Variants in TBC1D2B observed in about 807,000 individuals in gnomAD.
TBC1D2B encodes the protein TBC1 domain family, member 2B.
A neutral mutation model predicts 100.8 loss-of-function variants in TBC1D2B; 64 were observed. The observed-to-expected ratio is 0.64, with a 90% CI of 0.52 to 0.78. TBC1D2B has a LOEUF of 0.78. Among genes scored for constraint, TBC1D2B ranks in the 30% least tolerant of loss-of-function variants. TBC1D2B has a pLI of 0.00. For missense variants in TBC1D2B, 1,052 were observed against 1,218.4 expected, an observed-to-expected ratio of 0.86 and a Z score of 2.03; for synonymous variants, 480 against 479.7, an observed-to-expected ratio of 1.00 and a Z score of -0.01.
chr15:77,998,127 G>C lies in TBC1D2B; in HGVS notation c.*33C>G. 6.8e-7 allele frequency: 1 copy of C among 1,480,410 alleles called. No individual in the cohort carries two copies. The highest frequency in any genetic ancestry group is 9.0e-7 in the Non-Finnish European group (1 of 1,109,900). 91.7% of individuals were successfully genotyped at this position (1,480,410 alleles called of 1,614,324 possible). ...TTCACCCTTTGGGCACACTTTGGTT[G>C]TGAAGGAAGGAAGAGCAGCATCCCG... On this transcript the variant is annotated 3_prime_UTR_variant, in exon 13 of 13. Coordinates refer to ENST00000300584, the MANE Select transcript of TBC1D2B (RefSeq NM_144572.2).
At chr15:78,023,449 G>A (rs1157050409) in intron 6 of TBC1D2B, among the ~76,000 whole-genome samples, 1 of 152,166 alleles carries the variant, frequency 6.6e-6, no homozygotes, top group African/African-American at 2.4e-5. Context: ...CTTCTCTACA[G>A]GCAAGAAGAG....
chr15:78,063,054 C>G (rs2073581447), intron 1 of TBC1D2B, among the ~76,000 whole-genome samples: 1 of 152,146 alleles, frequency 6.6e-6, no homozygotes, highest in Non-Finnish European at 1.5e-5. Context: ...ATGTGTTAAG[C>G]TCAAAAGGGT....
intron 4 of TBC1D2B, 69 bp from the exon 5 acceptor site, chr15:78,025,566 G>C: frequency 8.0e-7 from 1 of 1,244,716 alleles, no homozygotes; most frequent in Non-Finnish European, 1.1e-6. Flanking sequence ...TCGGTCTGTC[G>C]CCCAGGCTGG....
chr15:78,045,115 GA>G, intron 2 of TBC1D2B, 47 bp from the exon 3 acceptor site: 1 of 1,539,022 alleles, frequency 6.5e-7, no homozygotes, highest in Non-Finnish European at 8.8e-7. Context: ...GCTTCCACAC[GA>G]AACTTGACAT....
intron 1 of TBC1D2B, among the ~76,000 whole-genome samples, chr15:78,076,132 G>C (rs1486231322): frequency 6.6e-6 from 1 of 151,954 alleles, no homozygotes; most frequent in Non-Finnish European, 1.5e-5. Context: ...AAGCAGGTGG[G>C]CCCCTAGGAG....
intron 6 of TBC1D2B, among the ~76,000 whole-genome samples, chr15:78,022,460 G>A (rs1476141395): frequency 6.6e-6 from 1 of 152,160 alleles, no homozygotes; most frequent in Non-Finnish European, 1.5e-5. Context: ...TATATTCAAT[G>A]TTGTGTACAT....
intron 2 of TBC1D2B, among the ~76,000 whole-genome samples, chr15:78,051,824 C>T (rs147877690): frequency 1.3e-5 from 2 of 152,114 alleles, no homozygotes; most frequent in Non-Finnish European, 2.9e-5. Context: ...TTATCTCTGA[C>T]GATAAAACAA....
At chr15:78,008,923 G>A (rs1161907425) in intron 10 of TBC1D2B, 74 bp downstream of exon 10, 33 of 1,058,288 alleles carry the variant, frequency 3.1e-5, no homozygotes, top group Non-Finnish European at 4.1e-5. Context: ...CACCCTGACC[G>A]CAGGTTTAAT....
intron 12 of TBC1D2B, among the ~76,000 whole-genome samples, chr15:77,999,695 C>G (rs1229795142): frequency 3.9e-5 from 6 of 152,198 alleles, no homozygotes; most frequent in Non-Finnish European, 8.8e-5. Context: ...CCTACGGCGC[C>G]CAACCCTCCT....
At chr15:78,007,959 C>A (rs2072110940) in intron 10 of TBC1D2B, among the ~76,000 whole-genome samples, 2 of 152,224 alleles carry the variant, frequency 1.3e-5, no homozygotes, top group African/African-American at 4.8e-5. Context: ...CCTTGCAACA[C>A]CAAGTGGTGC....
intron 3 of TBC1D2B, among the ~76,000 whole-genome samples, chr15:78,036,023 C>T (rs2072937124): frequency 6.6e-6 from 1 of 152,188 alleles, no homozygotes; most frequent in African/African-American, 2.4e-5. Context: ...ATGGTAAATA[C>T]AGATAAGCCA....
chr15:78,039,100 C>T (rs967048567), intron 3 of TBC1D2B, among the ~76,000 whole-genome samples: 6 of 152,324 alleles, frequency 3.9e-5, no homozygotes, highest in African/African-American at 1.4e-4. Flanking sequence ...CTCCAGAAGT[C>T]CTGGCTTAAA....
intron 2 of TBC1D2B, among the ~76,000 whole-genome samples, chr15:78,045,499 A>G (rs538439643): frequency 6.6e-6 from 1 of 152,250 alleles, no homozygotes; most frequent in Non-Finnish European, 1.5e-5. Flanking sequence ...TCTCTAAGAA[A>G]GTGGGAGAAA....
At chr15:78,021,937 C>T in intron 6 of TBC1D2B, among the ~76,000 whole-genome samples, 1 of 152,206 alleles carries the variant, frequency 6.6e-6, no homozygotes, top group East Asian at 1.9e-4. Context: ...CCACGCACAC[C>T]CTGGCTCGCT....
chr15:78,012,957 C>A lies in TBC1D2B; in HGVS notation c.2136G>T (p.Leu712=). 6.3e-7 allele frequency: 1 copy of A among 1,578,572 alleles called. No homozygotes were observed. Among genetic ancestry groups the A allele is most frequent in the Non-Finnish European group, 8.6e-7 (1 of 1,159,080 alleles). ...TGTTGGGCAGAGTTCGCAGCAAGTC[C>A]AGCTCAATCTGCTTGGAGGCTGGGT... is the stretch of plus-strand genomic sequence containing the variant. ...KQNPASKQIE[L]DLLRTLPNNK... is the part of the protein sequence containing the mutation. Residue 712 remains leucine, a synonymous_variant, in exon 9 of 13, where the codon CTG becomes CTT. Coordinates refer to ENST00000300584, the MANE Select transcript of TBC1D2B (RefSeq NM_144572.2).
At chr15:78,015,168 T>A (rs1278237201) in intron 8 of TBC1D2B, among the ~76,000 whole-genome samples, 1 of 151,954 alleles carries the variant, frequency 6.6e-6, no homozygotes, top group Non-Finnish European at 1.5e-5. Flanking sequence ...GCCACTGTAC[T>A]CCAGCCTGGG....
At chr15:78,023,074 T>C (rs1414815162) in intron 6 of TBC1D2B, among the ~76,000 whole-genome samples, 2 of 152,214 alleles carry the variant, frequency 1.3e-5, no homozygotes. Context: ...GTCCCTAGCA[T>C]GCCTATCATT....
At chr15:78,001,421 C>T (rs182727145) in intron 12 of TBC1D2B, among the ~76,000 whole-genome samples, 198 bp downstream of exon 12, 99 of 152,332 alleles carry the variant, frequency 6.5e-4, no homozygotes, top group African/African-American at 2.4e-3. Context: ...GGACAGAATC[C>T]TCATCTCAGT....
At chr15:78,042,941 A>T (rs1389340797) in intron 3 of TBC1D2B, among the ~76,000 whole-genome samples, 1 of 152,188 alleles carries the variant, frequency 6.6e-6, no homozygotes, top group African/African-American at 2.4e-5. Flanking sequence ...GGAGCAGAGC[A>T]GGACCAAGAA....
Sources: allele counts gnomAD v4.1 joint callset (sites outside exome capture counted in the v4.1 genomes callset), GRCh38; gene constraint gnomAD v4.1.1; transcripts MANE v1.5; gene names NCBI Gene and HGNC (gene_info 2026-07-23, HGNC 2026-07-21).